Variants in CEP126 observed in about 807,000 individuals in gnomAD.
CEP126 encodes the protein centrosomal protein of 126 kDa.
CEP126 carries 74 observed loss-of-function variants against 107.8 expected under a neutral mutation model. The ratio of observed to expected loss-of-function variants is 0.69; its 90% CI spans 0.57 to 0.83. The LOEUF is 0.83. Ranked by LOEUF, CEP126 falls within the 40% of genes least tolerant of loss-of-function variation. The pLI is 0.00. For synonymous variants in CEP126, 449 were observed against 446.0 expected (o/e 1.01, Z -0.08); for missense variants, 1,237 against 1,281.9 (o/e 0.96, Z 0.53).
rs571639577 is a variant in CEP126, at chr11:101,972,040, G to A, written c.2846-6307G>A. Among the ~76,000 whole-genome samples the A allele has an allele frequency of 4.7e-4, 71 of 151,258 alleles. 1 individual carries two copies. The South Asian group carries it at 0.011, about 24-fold the overall frequency. The stretch of plus-strand genomic sequence containing the variant: ...AGGAGAATCGCTTCAATCACAAGGC[G>A]GAGGTTGCAGTGAGCCAAGAACATG... On this transcript the variant is annotated intron_variant, in intron 6 of 10. Coordinates refer to ENST00000263468, the MANE Select transcript of CEP126 (RefSeq NM_020802.4).
At chr11:101,971,535 C>T (rs117577301) in intron 6 of CEP126, among the ~76,000 whole-genome samples, 1,967 of 151,682 alleles carry the variant, frequency 0.013, 21 homozygotes, top group Middle Eastern at 0.038. Flanking sequence ...AAGGTTTGGG[C>T]GGGGGGAGGT....
At chr11:101,957,152 C>T (rs150801735) in intron 4 of CEP126, among the ~76,000 whole-genome samples, 1 of 152,072 alleles carries the variant, frequency 6.6e-6, no homozygotes, top group Admixed American at 6.6e-5. Context: ...ATCTAGTAAT[C>T]ATTGACCTTG....
rs59472507 is a variant in CEP126 at position 101,969,719 on chromosome 11, C to T, written c.2845+5839C>T. Reference sequence around the variant, plus strand: ...ATAAAACTACTAGATATTATTAAAGCTAAAGTAATTATTACAATATGGCAT... The same window carrying T: ...ATAAAACTACTAGATATTATTAAAGTTAAAGTAATTATTACAATATGGCAT... On this transcript the variant is annotated intron_variant, in intron 6 of 10. Coordinates refer to ENST00000263468, the MANE Select transcript of CEP126 (RefSeq NM_020802.4). 1.0e-3 allele frequency among the ~76,000 whole-genome samples: 153 copies of T among 152,146 alleles called. 1 individual carries two copies. The highest frequency in any genetic ancestry group is 3.5e-3 in the African/African-American group (146 of 41,510).
chr11:101,945,791 A>G lies in CEP126; in HGVS notation c.394+1381A>G, dbSNP rs116972320. Among the ~76,000 whole-genome samples the G allele has an allele frequency of 5.8e-3, 887 of 152,270 alleles. 3 individuals are homozygous for G. The highest frequency in any genetic ancestry group is 0.01 in the Middle Eastern group (3 of 294). On this transcript the variant is annotated intron_variant, in intron 3 of 10. Transcript: ENST00000263468. ...AGGCAGGAAGAAAGAACAGGAAAAA[A>G]GGGTGTACCTCTGAGATCTCTGCTT...
chr11:101,971,660 G>A (rs4754825), intron 6 of CEP126, among the ~76,000 whole-genome samples: 8,493 of 152,082 alleles, frequency 0.056, 463 homozygotes, highest in East Asian at 0.26. Flanking sequence ...AAGAAGCTGC[G>A]GTTACAGTTG....
intron 9 of CEP126, among the ~76,000 whole-genome samples, chr11:101,990,302 G>A (rs991102730): frequency 6.6e-6 from 1 of 152,130 alleles, no homozygotes; most frequent in Non-Finnish European, 1.5e-5. Flanking sequence ...CACTGCTGTA[G>A]GAAAGGCATG....
At chr11:101,989,007 C>G (rs80015471) in intron 9 of CEP126, among the ~76,000 whole-genome samples, 1,939 of 152,122 alleles carry the variant, frequency 0.013, 39 homozygotes, top group African/African-American at 0.044. Context: ...CAAACCTGAT[C>G]AAAGGGGCAC....
chr11:101,979,569 A>G (rs1941231473), intron 7 of CEP126, among the ~76,000 whole-genome samples: 1 of 152,180 alleles, frequency 6.6e-6, no homozygotes, highest in East Asian at 1.9e-4. Flanking sequence ...GCAACATAGC[A>G]AGACCTCGTC....
At chr11:101,940,490 C>G (rs746430726) in intron 2 of CEP126, among the ~76,000 whole-genome samples, 1 of 152,154 alleles carries the variant, frequency 6.6e-6, no homozygotes, top group Non-Finnish European at 1.5e-5. Context: ...TTCTATATAA[C>G]AAACCACCCT....
chr11:101,942,401 C>T (rs1349021286), intron 2 of CEP126, among the ~76,000 whole-genome samples: 1 of 151,980 alleles, frequency 6.6e-6, no homozygotes, highest in Non-Finnish European at 1.5e-5. Flanking sequence ...ATGGTTTTGG[C>T]ATCCTTGTGG....
chr11:101,935,446 G>A (rs1940562965), intron 2 of CEP126, among the ~76,000 whole-genome samples: 1 of 151,938 alleles, frequency 6.6e-6, no homozygotes, highest in Admixed American at 6.6e-5. Flanking sequence ...GATTTCTTCT[G>A]GAAAGTTCAT....
chr11:101,990,983 G>A (rs917610949), intron 9 of CEP126, among the ~76,000 whole-genome samples: 1 of 151,908 alleles, frequency 6.6e-6, no homozygotes, highest in East Asian at 1.9e-4. Flanking sequence ...GACCAGCTGG[G>A]CAACATGGTG....
intron 4 of CEP126, among the ~76,000 whole-genome samples, chr11:101,948,693 T>G (rs910963174): frequency 2.6e-5 from 4 of 152,170 alleles, no homozygotes; most frequent in African/African-American, 9.6e-5. Context: ...CAAACATTTG[T>G]TAATGCTACT....
intron 6 of CEP126, among the ~76,000 whole-genome samples, chr11:101,969,047 G>T (rs1197932958): frequency 1.3e-5 from 2 of 151,920 alleles, no homozygotes; most frequent in Admixed American, 6.6e-5. Flanking sequence ...TTAAGACAGG[G>T]TCTCACTCTG....
At chr11:101,947,934 T>G (rs1008045572) in intron 3 of CEP126, 97 bp from the exon 4 acceptor site, 1 of 486,200 alleles carries the variant, frequency 2.1e-6, no homozygotes, top group African/African-American at 2.0e-5. Context: ...ACAAAAGTTT[T>G]AAAGTAATAT....
intron 1 of CEP126, among the ~76,000 whole-genome samples, chr11:101,920,345 CATAGTTT>C (rs1351676707): frequency 6.6e-6 from 1 of 152,106 alleles, no homozygotes; most frequent in Non-Finnish European, 1.5e-5. Context: ...TTATGTACCG[CATAGTTT>C]ATTATTGAGT....
At chr11:101,964,695 T>C (rs1941039322) in intron 6 of CEP126, among the ~76,000 whole-genome samples, 1 of 151,846 alleles carries the variant, frequency 6.6e-6, no homozygotes, top group South Asian at 2.1e-4. Context: ...TTTAAGAGAA[T>C]GACCCAACCA....
chr11:101,923,535 A>G (rs1465953681), intron 2 of CEP126, among the ~76,000 whole-genome samples: 1 of 152,222 alleles, frequency 6.6e-6, no homozygotes, highest in African/African-American at 2.4e-5. Context: ...TATGTTAACA[A>G]ATCCCATTTG....
chr11:101,998,993 T>C lies in CEP126; in HGVS notation c.*1350T>C, dbSNP rs1361198049. ...GAAATGAGGAAAAACAGGAAAAGAA[T>C]TCACTTTTTAAATGAAGAAATTAGT... On this transcript the variant is annotated 3_prime_UTR_variant, in exon 11 of 11. Transcript: ENST00000263468. 1 of 152,110 alleles carries C rather than the reference T, an allele frequency of 6.6e-6. No homozygotes were observed. The highest frequency in any genetic ancestry group is 1.5e-5 in the Non-Finnish European group (1 of 68,026). 9.4% of individuals were successfully genotyped at this position (152,110 alleles called of 1,614,324 possible).
Sources: allele counts gnomAD v4.1 joint callset (sites outside exome capture counted in the v4.1 genomes callset), GRCh38; gene constraint gnomAD v4.1.1; transcripts MANE v1.5; gene names NCBI Gene and HGNC (gene_info 2026-07-23, HGNC 2026-07-21).